Variants in HSD17B12 observed in about 807,000 individuals in gnomAD.
HSD17B12 encodes hydroxysteroid 17-beta dehydrogenase 12, also known as very-long-chain 3-oxoacyl-CoA reductase.
A neutral mutation model predicts 39.3 loss-of-function variants in HSD17B12; 32 were observed. The ratio of observed to expected loss-of-function variants is 0.81; its 90% CI spans 0.61 to 1.09. HSD17B12 has a LOEUF of 1.09. Among genes scored for constraint, HSD17B12 ranks in the 50% least tolerant of loss-of-function variants. The probability of loss-of-function intolerance (pLI) is 0.00; values close to 1 mark genes in which losing one functional copy is unlikely to be tolerated. For missense variants in HSD17B12, 342 were observed against 382.9 expected (o/e 0.89, Z 0.89); for synonymous variants, 150 against 146.7 (o/e 1.02, Z -0.16).
chr11:43,637,749 T>A, the HSD17B12 span, among the ~76,000 whole-genome samples: 3 of 152,208 alleles, frequency 2.0e-5, no homozygotes, highest in Admixed American at 1.3e-4. Context: ...CAGCAACAAG[T>A]TCATAGAAAC....
At chr11:43,780,069 T>C (rs938384837) in intron 3 of HSD17B12, among the ~76,000 whole-genome samples, 1 of 152,208 alleles carries the variant, frequency 6.6e-6, no homozygotes, top group African/African-American at 2.4e-5. Context: ...GATGATCTGC[T>C]CCCTCTCATC....
the HSD17B12 span, among the ~76,000 whole-genome samples, chr11:43,622,714 C>G: frequency 2.0e-5 from 3 of 151,984 alleles, no homozygotes; most frequent in East Asian, 3.9e-4. Flanking sequence ...AGCCCAGCCT[C>G]CTGTCCCCTT....
intron 3 of HSD17B12, among the ~76,000 whole-genome samples, chr11:43,789,907 G>GGGTGC (rs946284578): frequency 2.6e-5 from 4 of 152,090 alleles, no homozygotes; most frequent in African/African-American, 9.7e-5. Context: ...ACTCTAGCCT[G>GGGTGC]GGTGCCAGAG....
At chr11:43,691,442 C>T (rs1949861575) in intron 1 of HSD17B12, among the ~76,000 whole-genome samples, 1 of 152,212 alleles carries the variant, frequency 6.6e-6, no homozygotes, top group South Asian at 2.1e-4. Context: ...TTTGCTCCCT[C>T]ATCTCTAAGT....
intron 4 of HSD17B12, among the ~76,000 whole-genome samples, chr11:43,804,420 C>G (rs376730420): frequency 2.0e-5 from 3 of 152,250 alleles, no homozygotes; most frequent in Non-Finnish European, 2.9e-5. Flanking sequence ...TTTTAAGAAG[C>G]CTCATTTTAA....
At position 43,718,630 on chromosome 11, in the gene HSD17B12, C is replaced by G. The variant is rs539995624; in HGVS notation, c.161-32281C>G. On this transcript the variant is annotated intron_variant, in intron 1 of 10. Coordinates refer to ENST00000278353, the MANE Select transcript of HSD17B12 (RefSeq NM_016142.3). ...CATCTGGGCACATGTTACTAAGTCTCTTACCCCATGTATCAAAAATATACC... is the reference window on the plus strand; with the variant it reads ...CATCTGGGCACATGTTACTAAGTCTGTTACCCCATGTATCAAAAATATACC... 1.5e-5 allele frequency: 10 copies of G among 650,096 alleles called. No individual in the cohort carries two copies. The South Asian group carries it at 1.6e-4, about 10-fold the overall frequency. 40.3% of individuals were successfully genotyped at this position (650,096 alleles called of 1,614,324 possible).
chr11:43,597,597 G>T, the HSD17B12 span, among the ~76,000 whole-genome samples: 2 of 152,120 alleles, frequency 1.3e-5, no homozygotes, highest in Non-Finnish European at 2.9e-5. Context: ...GACTAGTCAT[G>T]GTCATTAAGA....
chr11:43,609,636 C>A, the HSD17B12 span, among the ~76,000 whole-genome samples: 4 of 152,122 alleles, frequency 2.6e-5, no homozygotes, highest in African/African-American at 9.7e-5. Context: ...TCCCAAAGTG[C>A]TGGGATTAGA....
chr11:43,849,588 T>A (rs1951512101), intron 9 of HSD17B12, among the ~76,000 whole-genome samples: 1 of 152,212 alleles, frequency 6.6e-6, no homozygotes, highest in Admixed American at 6.5e-5. Context: ...ACTCCATCTC[T>A]TTGTTCAGAT....
chr11:43,779,821 C>T (rs1950747115), intron 3 of HSD17B12, among the ~76,000 whole-genome samples: 2 of 152,184 alleles, frequency 1.3e-5, no homozygotes, highest in African/African-American at 4.8e-5. Flanking sequence ...TGCATTACCG[C>T]TTTCACATTG....
chr11:43,599,492 G>A, the HSD17B12 span, among the ~76,000 whole-genome samples: 1 of 152,076 alleles, frequency 6.6e-6, no homozygotes, highest in South Asian at 2.1e-4. Context: ...TGTCATGGGG[G>A]CTTTTTGTAC....
At chr11:43,706,930 G>T (rs1006873329) in intron 1 of HSD17B12, among the ~76,000 whole-genome samples, 28 of 152,018 alleles carry the variant, frequency 1.8e-4, no homozygotes, top group African/African-American at 6.8e-4. Context: ...AAAATTTTAT[G>T]CCTCTTTTTC....
At chr11:43,591,343 A>G in the HSD17B12 span, among the ~76,000 whole-genome samples, 1 of 152,130 alleles carries the variant, frequency 6.6e-6, no homozygotes, top group African/African-American at 2.4e-5. Flanking sequence ...AACTCTCTAA[A>G]TCGTAGATAT....
chr11:43,753,166 C>T (rs1443935155), intron 2 of HSD17B12, among the ~76,000 whole-genome samples: 1 of 152,042 alleles, frequency 6.6e-6, no homozygotes, highest in Non-Finnish European at 1.5e-5. Context: ...TCATTATGTA[C>T]AACACTTACA....
At chr11:43,825,444 A>G (rs985004647) in intron 6 of HSD17B12, among the ~76,000 whole-genome samples, 3 of 152,144 alleles carry the variant, frequency 2.0e-5, no homozygotes, top group African/African-American at 7.2e-5. Context: ...GCCCTCTATT[A>G]ATTTGAAAAT....
chr11:43,583,704 C>G, the HSD17B12 span, among the ~76,000 whole-genome samples: 1 of 151,942 alleles, frequency 6.6e-6, no homozygotes, highest in African/African-American at 2.4e-5. Context: ...TCTATGTACC[C>G]TCAAACTGCC....
At chr11:43,803,627 A>G (rs970289923) in intron 4 of HSD17B12, among the ~76,000 whole-genome samples, 1 of 152,240 alleles carries the variant, frequency 6.6e-6, no homozygotes, top group Non-Finnish European at 1.5e-5. Context: ...GGAAAATGCT[A>G]AAGCCCTTAG....
chr11:43,717,397 A>G lies in HSD17B12; in HGVS notation c.161-33514A>G, dbSNP rs117028330. 2.0e-3 allele frequency among the ~76,000 whole-genome samples: 300 copies of G among 152,336 alleles called. 4 individuals carry two copies. In the East Asian group the frequency reaches 0.051, roughly 26 times the overall value. On this transcript the variant is annotated intron_variant, in intron 1 of 10. Coordinates refer to ENST00000278353, the MANE Select transcript of HSD17B12 (RefSeq NM_016142.3). ...GTGTTTTTTAAAAATTCAAGAATTC[A>G]TTCATTTCCATTATTCAGACTAGCC...
the HSD17B12 span, among the ~76,000 whole-genome samples, chr11:43,625,255 T>C: frequency 6.6e-6 from 1 of 151,646 alleles, no homozygotes. Flanking sequence ...TTTGTAATAC[T>C]TGAGAAACTC....
Sources: allele counts gnomAD v4.1 joint callset (sites outside exome capture counted in the v4.1 genomes callset), GRCh38; gene constraint gnomAD v4.1.1; transcripts MANE v1.5; gene names NCBI Gene and HGNC (gene_info 2026-07-23, HGNC 2026-07-21).